AP4E1: variants seen among roughly 807,000 people sequenced by gnomAD.
AP4E1 encodes the protein adaptor related protein complex 4 subunit epsilon 1.
Under a neutral mutation model 128.2 loss-of-function variants are expected in AP4E1, and 56 were observed. That is an observed-to-expected ratio of 0.44 (90% CI 0.35 to 0.55). The LOEUF (loss-of-function observed/expected upper bound fraction) is 0.55, where lower values mean the gene tolerates loss of function less well. Among genes scored for constraint, AP4E1 ranks in the 20% least tolerant of loss-of-function variants. The pLI, the probability that AP4E1 is intolerant of heterozygous loss-of-function variation, is 0.00. For synonymous variants in AP4E1, 484 were observed against 473.1 expected, an observed-to-expected ratio of 1.02 and a Z score of -0.30; for missense variants, 1,324 against 1,307.7, an observed-to-expected ratio of 1.01 and a Z score of -0.19.
chr15:50,970,231 G>A (rs1208827306), intron 15 of AP4E1, among the ~76,000 whole-genome samples: 1 of 152,112 alleles, frequency 6.6e-6, no homozygotes, highest in Non-Finnish European at 1.5e-5. Context: ...TTAATATAAT[G>A]TCCTTTGGTT....
At chr15:50,974,696 C>G (rs1371944417) in intron 15 of AP4E1, among the ~76,000 whole-genome samples, 1 of 152,056 alleles carries the variant, frequency 6.6e-6, no homozygotes, top group African/African-American at 2.4e-5. Context: ...GTTTTCTTTT[C>G]TTTGATAATC....
intron 15 of AP4E1, among the ~76,000 whole-genome samples, chr15:50,980,680 G>C (rs1228511052): frequency 6.6e-6 from 1 of 152,132 alleles, no homozygotes; most frequent in Non-Finnish European, 1.5e-5. Context: ...TGGGAGTGCA[G>C]AATGTTTTCA....
intron 7 of AP4E1, among the ~76,000 whole-genome samples, chr15:50,933,877 G>A (rs2063869139): frequency 6.6e-6 from 1 of 151,898 alleles, no homozygotes; most frequent in Admixed American, 6.6e-5. Flanking sequence ...TGTATCCTGT[G>A]TTGCTGGTAT....
intron 13 of AP4E1, among the ~76,000 whole-genome samples, chr15:50,957,259 G>A (rs1159764050): frequency 6.6e-6 from 1 of 152,148 alleles, no homozygotes; most frequent in Non-Finnish European, 1.5e-5. Context: ...GGAGCTGACA[G>A]GGGGACTGGG....
chr15:50,970,463 T>G (rs1246516537), intron 15 of AP4E1, among the ~76,000 whole-genome samples: 2 of 152,194 alleles, frequency 1.3e-5, no homozygotes, highest in Admixed American at 6.5e-5. Context: ...AAAGTGCAGT[T>G]TTTTGAAGCC....
At chr15:50,956,667 A>G (rs1341180926) in intron 13 of AP4E1, among the ~76,000 whole-genome samples, 1 of 152,154 alleles carries the variant, frequency 6.6e-6, no homozygotes, top group African/African-American at 2.4e-5. Flanking sequence ...CACTATCACA[A>G]GAGCAGCATG....
chr15:50,984,162 T>C lies in AP4E1; in HGVS notation c.2090+17T>C. On this transcript the variant is annotated intron_variant, in intron 16 of 20. Transcript: ENST00000261842. ...ACTGAAAGAGTAAGTTCATTTCTTA[T>C]TAAAATTGAGGTTATGGGAGTGCTT... 6.2e-7 allele frequency: 1 copy of C among 1,612,500 alleles called. No individual in the cohort carries two copies. The highest frequency in any genetic ancestry group is 1.1e-5 in the South Asian group (1 of 91,056).
intron 14 of AP4E1, among the ~76,000 whole-genome samples, chr15:50,966,162 A>C (rs900386766): frequency 6.6e-6 from 1 of 152,056 alleles, no homozygotes; most frequent in Non-Finnish European, 1.5e-5. Flanking sequence ...CTAGTGATCC[A>C]CCCACCTTGG....
At chr15:50,951,360 C>G (rs923355581) in intron 13 of AP4E1, among the ~76,000 whole-genome samples, 5 of 152,204 alleles carry the variant, frequency 3.3e-5, no homozygotes, top group African/African-American at 1.2e-4. Flanking sequence ...GAGCTGCTTT[C>G]AGTTTCTTGC....
At chr15:50,983,973 T>C (rs1407538418) in intron 15 of AP4E1, 49 bp from the exon 16 acceptor site, 3 of 1,590,612 alleles carry the variant, frequency 1.9e-6, no homozygotes, top group Non-Finnish European at 2.6e-6. Flanking sequence ...TTTGACAGTT[T>C]TTTGCTTTGT....
At chr15:50,977,497 A>C (rs146964634) in intron 15 of AP4E1, among the ~76,000 whole-genome samples, 191 of 152,196 alleles carry the variant, frequency 1.3e-3, no homozygotes, top group Non-Finnish European at 2.2e-3. Flanking sequence ...TTTAAAGCAA[A>C]ACTGAAATTT....
chr15:50,948,876 G>C (rs899769951), intron 11 of AP4E1, among the ~76,000 whole-genome samples: 1 of 151,884 alleles, frequency 6.6e-6, no homozygotes, highest in African/African-American at 2.4e-5. Flanking sequence ...GGAGGCTGAG[G>C]CAGAGGAATC....
In AP4E1 at chr15:50,993,488, A is replaced by G; in HGVS notation, c.2209A>G (p.Ile737Val). ...AGCTCTGCCTGTTCCTCAAGAGAGT[A>G]TAATGGAGAATGTAGATCAAGCTAT... is the stretch of plus-strand genomic sequence containing the variant. The part of the protein sequence containing the change: ...SGALPVPQES[I>V]MENVDQAITK... The change falls in exon 17 of 21, where the codon ATA becomes GTA. Residue 737 changes from isoleucine to valine, a missense_variant. By Grantham distance (29) the Ile-to-Val change is conservative (BLOSUM62 3). Transcript: ENST00000261842. The G allele has an allele frequency of 3.7e-6, 6 of 1,614,024 alleles. No individual in the cohort carries two copies. Among genetic ancestry groups the G allele is most frequent in the Non-Finnish European group, 5.1e-6 (6 of 1,179,980 alleles).
In AP4E1 at chr15:50,908,883, G is replaced by C; in HGVS notation, c.105G>C (p.Arg35Ser). The C allele has an allele frequency of 6.2e-7, 1 of 1,610,458 alleles. No individual in the cohort carries two copies. Among genetic ancestry groups the C allele is most frequent in the Non-Finnish European group, 8.5e-7 (1 of 1,179,250 alleles). The change falls in exon 1 of 21, where the codon AGG becomes AGC. Residue 35 changes from arginine (R) to serine (S), a missense_variant. Coordinates refer to ENST00000261842, the MANE Select transcript of AP4E1 (RefSeq NM_007347.5). ...CCGCCAAGGCGTCCTTCTCCTCGAG[G>C]CTGGGCAGCCTTGTCCGCGGCATCA... is the stretch of plus-strand genomic sequence containing the variant. ...PAAAKASFSS[R>S]LGSLVRGITA...
chr15:50,911,936 C>A, intron 1 of AP4E1, 142 bp from the exon 2 acceptor site: 1 of 718,840 alleles, frequency 1.4e-6, no homozygotes, highest in South Asian at 1.7e-5. Flanking sequence ...AGATCGTAAG[C>A]AGATAGTATT....
chr15:50,991,534 T>C (rs2064806738), intron 16 of AP4E1, among the ~76,000 whole-genome samples: 1 of 152,076 alleles, frequency 6.6e-6, no homozygotes, highest in Admixed American at 6.6e-5. Context: ...TCTAAGAGGT[T>C]TATTATATAA....
chr15:50,954,272 T>C (rs1398180081), intron 13 of AP4E1, among the ~76,000 whole-genome samples: 1 of 152,224 alleles, frequency 6.6e-6, no homozygotes, highest in Admixed American at 6.5e-5. Context: ...ATAAAATGAC[T>C]TGGGAATGTG....
chr15:50,986,293 T>C (rs985990512), intron 16 of AP4E1, among the ~76,000 whole-genome samples: 16 of 152,122 alleles, frequency 1.1e-4, no homozygotes, highest in Non-Finnish European at 1.6e-4. Flanking sequence ...ATTGAATACC[T>C]TTTATTTCTT....
intron 13 of AP4E1, among the ~76,000 whole-genome samples, chr15:50,956,000 G>A (rs953551936): frequency 6.6e-6 from 1 of 152,152 alleles, no homozygotes; most frequent in Non-Finnish European, 1.5e-5. Flanking sequence ...GGCTCCTGTT[G>A]GGGCTTTTTG....
Sources: allele counts gnomAD v4.1 joint callset (sites outside exome capture counted in the v4.1 genomes callset), GRCh38; gene constraint gnomAD v4.1.1; transcripts MANE v1.5; gene names NCBI Gene and HGNC (gene_info 2026-07-23, HGNC 2026-07-21).